Variants in ATP10D observed in about 807,000 individuals in gnomAD.
The protein encoded by ATP10D is phospholipid-transporting ATPase VD.
Under a neutral mutation model 144.8 loss-of-function variants are expected in ATP10D, and 89 were observed. That is an observed-to-expected ratio of 0.61 (90% CI 0.52 to 0.73). The LOEUF (loss-of-function observed/expected upper bound fraction) is 0.73. Ranked by LOEUF, ATP10D falls within the 30% of genes least tolerant of loss-of-function variation. The probability of loss-of-function intolerance (pLI) is 0.00; values close to 1 mark genes in which losing one functional copy is unlikely to be tolerated. For synonymous variants in ATP10D, 571 were observed against 615.1 expected (o/e 0.93, Z 1.06); for missense variants, 1,603 against 1,714.8 (o/e 0.93, Z 1.15).
rs769666688 is a variant in ATP10D, at chr4:47,536,468, G to T, written c.1047G>T (p.Lys349Asn). 5 of 1,613,496 alleles carry T rather than the reference G, an allele frequency of 3.1e-6. No individual in the cohort carries two copies. In the South Asian group the frequency reaches 5.5e-5, roughly 18 times the overall value. Reference protein sequence around the residue: ...GHGIWLSRYEKMHFFNVPEPD... With the variant: ...GHGIWLSRYENMHFFNVPEPD... ...GAATCTGGCTGAGCAGGTATGAAAA[G>T]ATGCATTTTTTCAATGTTCCCGAGC... The change falls in exon 8 of 23, where the codon AAG becomes AAT. Residue 349 changes from lysine (K) to asparagine (N), a missense_variant. Lys to Asn is a moderately conservative substitution (Grantham distance 94). Transcript: ENST00000273859.
At position 47,536,858 on chromosome 4, in the gene ATP10D, A is replaced by G. The variant is rs1401467288; in HGVS notation, c.1316A>G (p.Lys439Arg). 7 of 1,613,388 alleles carry G rather than the reference A, an allele frequency of 4.3e-6. No individual in the cohort carries two copies. Among genetic ancestry groups the G allele is most frequent in the Non-Finnish European group, 5.9e-6 (7 of 1,179,734 alleles). ...CAGATTCAGTACCTCTTTTCCGATA[A>G]GACAGGAACCCTCACTGAGAATAAG... ...LGQIQYLFSD[K>R]TGTLTENKMV... The change falls in exon 9 of 23, where the codon AAG (lysine) becomes AGG (arginine). Residue 439 changes from lysine to arginine, a missense_variant. Transcript: ENST00000273859.
At chr4:47,552,786 C>T (rs7695942) in intron 10 of ATP10D, among the ~76,000 whole-genome samples, 35,834 of 152,030 alleles carry the variant, frequency 0.24, 4,223 homozygotes, top group Admixed American at 0.3. Flanking sequence ...ACAATGAAAT[C>T]ACTATTAGCT....
chr4:47,530,325 C>T lies in ATP10D; in HGVS notation c.776+4683C>T, dbSNP rs114478226. On this transcript the variant is annotated intron_variant, in intron 5 of 22. Transcript: ENST00000273859. ...ATTCTTGTTATTTTGAGGTTTGTTCCTTTGACACCTAGTTTGTTGAGGATT... is the reference window on the plus strand; with the variant it reads ...ATTCTTGTTATTTTGAGGTTTGTTCTTTTGACACCTAGTTTGTTGAGGATT... Among the ~76,000 whole-genome samples the T allele has an allele frequency of 4.3e-3, 647 of 152,042 alleles. 1 individual carries two copies. Among genetic ancestry groups the T allele is most frequent in the Non-Finnish European group, 7.1e-3 (482 of 67,970 alleles).
chr4:47,525,871 C>T (rs141448137), intron 5 of ATP10D, among the ~76,000 whole-genome samples: 212 of 152,286 alleles, frequency 1.4e-3, no homozygotes, highest in South Asian at 2.1e-3. Flanking sequence ...GCATCCATAT[C>T]CCCTTTGCCA....
chr4:47,549,013 G>A (rs180943037), intron 10 of ATP10D, among the ~76,000 whole-genome samples: 26 of 152,160 alleles, frequency 1.7e-4, no homozygotes, highest in African/African-American at 5.1e-4. Context: ...CAAAGGAGGC[G>A]AGTTACGAGC....
intron 5 of ATP10D, among the ~76,000 whole-genome samples, chr4:47,530,071 A>G (rs1318611582): frequency 4.6e-5 from 7 of 152,190 alleles, no homozygotes; most frequent in Non-Finnish European, 1.0e-4. Flanking sequence ...TTCTAGGTAT[A>G]AGAACATGTC....
intron 10 of ATP10D, among the ~76,000 whole-genome samples, chr4:47,548,518 A>G (rs1718557305): frequency 6.6e-6 from 1 of 152,154 alleles, no homozygotes; most frequent in African/African-American, 2.4e-5. Flanking sequence ...GGATTTATCC[A>G]TCTTGAATCA....
chr4:47,512,376 T>G, intron 1 of ATP10D, 128 bp from the exon 2 acceptor site: 4 of 608,688 alleles, frequency 6.6e-6, no homozygotes, highest in Non-Finnish European at 8.3e-6. Flanking sequence ...AAGACTACTT[T>G]TACTTTCTCC....
Position 47,558,139 on chromosome 4 carries a change from T to C in ATP10D, c.2300T>C (p.Leu767Pro). ...AALGPLTFQL[L>P]HILPFDSVRK... ...TTGGGACCATTAACATTTCAACTCC[T>C]ACACATCCTGCCCTTTGACTCAGTA... is the stretch of plus-strand genomic sequence containing the variant. The change falls in exon 12 of 23, where the codon CTA becomes CCA. Residue 767 changes from leucine (L) to proline (P), a missense_variant. By Grantham distance (98) the Leu-to-Pro change is moderately conservative (BLOSUM62 -3). Coordinates refer to ENST00000273859, the MANE Select transcript of ATP10D (RefSeq NM_020453.4). The C allele has an allele frequency of 6.2e-7, 1 of 1,614,202 alleles. No individual in the cohort carries two copies.
At chr4:47,532,748 A>G (rs1450491210) in intron 5 of ATP10D, among the ~76,000 whole-genome samples, 1 of 152,148 alleles carries the variant, frequency 6.6e-6, no homozygotes, top group East Asian at 1.9e-4. Context: ...CCTATTTGTG[A>G]CTACACTGTA....
chr4:47,518,361 C>G (rs1716787643), intron 3 of ATP10D, among the ~76,000 whole-genome samples: 1 of 152,048 alleles, frequency 6.6e-6, no homozygotes, highest in Admixed American at 6.6e-5. Context: ...TTAGAATAAG[C>G]TATTATAGAA....
At chr4:47,589,989 G>GATGCAGAGAATACATATATCATCAT (rs1209408108) in intron 22 of ATP10D, among the ~76,000 whole-genome samples, 4 of 152,196 alleles carry the variant, frequency 2.6e-5, no homozygotes, top group Non-Finnish European at 5.9e-5. Context: ...TGTATCATCA[G>GATGCAGAGAATACATATATCATCAT]ATGCAGAGAA....
At chr4:47,534,510 C>T (rs1717732997) in intron 5 of ATP10D, among the ~76,000 whole-genome samples, 1 of 152,156 alleles carries the variant, frequency 6.6e-6, no homozygotes, top group African/African-American at 2.4e-5. Flanking sequence ...AGGGCCATGA[C>T]TTTCTTTCCC....
chr4:47,500,367 G>A (rs115538865), intron 1 of ATP10D, among the ~76,000 whole-genome samples: 5,149 of 152,300 alleles, frequency 0.034, 289 homozygotes, highest in African/African-American at 0.12. Flanking sequence ...TAATTATATG[G>A]GAGCCTTTAG....
chr4:47,517,377 C>T (rs1261806367), intron 3 of ATP10D, among the ~76,000 whole-genome samples: 1 of 152,144 alleles, frequency 6.6e-6, no homozygotes, highest in Non-Finnish European at 1.5e-5. Context: ...CATTTGGCCA[C>T]TACACTCCAA....
chr4:47,531,580 A>G (rs1717572406), intron 5 of ATP10D, among the ~76,000 whole-genome samples: 1 of 152,220 alleles, frequency 6.6e-6, no homozygotes, highest in Non-Finnish European at 1.5e-5. Flanking sequence ...TTAGTATTAG[A>G]AAAGTCCTTC....
intron 16 of ATP10D, among the ~76,000 whole-genome samples, chr4:47,570,754 G>A (rs1281381568): frequency 6.6e-6 from 1 of 150,970 alleles, no homozygotes; most frequent in East Asian, 2.0e-4. Flanking sequence ...AGTGAGCTGA[G>A]ATTATGCCAC....
At chr4:47,574,227 G>A (rs1275053722) in intron 18 of ATP10D, among the ~76,000 whole-genome samples, 1 of 152,160 alleles carries the variant, frequency 6.6e-6, no homozygotes, top group Non-Finnish European at 1.5e-5. Context: ...AGAAATACTA[G>A]TATTAGGAGG....
chr4:47,563,769 C>T lies in ATP10D; in HGVS notation c.2853+4C>T, dbSNP rs755816230. ...TATCCTCAATACCCAAAGTAAAGTG[C>T]GTATATTGAGATTAAATCTGTTCTT... On this transcript the variant is annotated splice_donor_region_variant and intron_variant, in intron 15 of 22. Transcript: ENST00000273859. 54 of 1,576,784 alleles carry T rather than the reference C, an allele frequency of 3.4e-5. No homozygotes were observed. The highest frequency in any genetic ancestry group is 4.2e-5 in the Non-Finnish European group (49 of 1,160,884).
Sources: gnomAD v4.1 joint callset for allele counts (sites outside exome capture counted in the v4.1 genomes callset) on GRCh38, gnomAD v4.1.1 for gene constraint, MANE v1.5 for transcripts, NCBI Gene and HGNC (gene_info 2026-07-23, HGNC 2026-07-21) for gene names.